PRKAG2: variants seen among roughly 807,000 people sequenced by gnomAD.
PRKAG2 encodes protein kinase AMP-activated non-catalytic subunit gamma 2.
Under a neutral mutation model 69.6 loss-of-function variants are expected in PRKAG2, and 26 were observed. The ratio of observed to expected loss-of-function variants is 0.37; its 90% CI spans 0.27 to 0.52. The LOEUF (loss-of-function observed/expected upper bound fraction) is 0.52. PRKAG2 is among the 20% of genes least tolerant of loss of function. The probability of loss-of-function intolerance (pLI) is 0.90; values close to 1 mark genes in which losing one functional copy is unlikely to be tolerated. For missense variants in PRKAG2, 557 were observed against 740.0 expected, an observed-to-expected ratio of 0.75 and a Z score of 2.87; for synonymous variants, 293 against 285.0, an observed-to-expected ratio of 1.03 and a Z score of -0.28.
At chr7:151,846,007 C>T (rs529800959) in intron 1 of PRKAG2, among the ~76,000 whole-genome samples, 63 of 152,302 alleles carry the variant, frequency 4.1e-4, no homozygotes, top group African/African-American at 1.5e-3. Flanking sequence ...ACAGATGAGT[C>T]CCTGTGACAT....
chr7:151,804,016 T>G (rs1302196693), intron 1 of PRKAG2, among the ~76,000 whole-genome samples: 1 of 151,916 alleles, frequency 6.6e-6, no homozygotes, highest in African/African-American at 2.4e-5. Context: ...AGTCATACCC[T>G]TGGCCCAGCC....
chr7:151,627,959 C>G (rs1454457213), intron 5 of PRKAG2, among the ~76,000 whole-genome samples: 1 of 152,172 alleles, frequency 6.6e-6, no homozygotes, highest in Non-Finnish European at 1.5e-5. Context: ...CCGCCACGCC[C>G]GGCCTGGATT....
At chr7:151,866,576 C>T (rs892288844) in intron 1 of PRKAG2, among the ~76,000 whole-genome samples, 1 of 152,166 alleles carries the variant, frequency 6.6e-6, no homozygotes, top group Non-Finnish European at 1.5e-5. Context: ...TCATCAGCAC[C>T]ATGAATGCAA....
At chr7:151,703,184 G>GGCTT (rs1838009180) in intron 3 of PRKAG2, among the ~76,000 whole-genome samples, 1 of 152,154 alleles carries the variant, frequency 6.6e-6, no homozygotes, top group African/African-American at 2.4e-5. Flanking sequence ...TCACTCATCA[G>GGCTT]CGCGCGCGAA....
chr7:151,715,273 C>G (rs1795981822), intron 3 of PRKAG2, among the ~76,000 whole-genome samples: 1 of 135,218 alleles, frequency 7.4e-6, no homozygotes, highest in African/African-American at 2.8e-5. Flanking sequence ...ACTTCAGCCT[C>G]CCAAAGTGCT....
At chr7:151,800,911 C>T (rs2077805451) in intron 1 of PRKAG2, among the ~76,000 whole-genome samples, 1 of 152,174 alleles carries the variant, frequency 6.6e-6, no homozygotes, top group Non-Finnish European at 1.5e-5. Context: ...ACGCAGACAA[C>T]AGGGGAGATT....
intron 8 of PRKAG2, among the ~76,000 whole-genome samples, chr7:151,574,629 C>T (rs567055270): frequency 2.0e-5 from 3 of 152,238 alleles, no homozygotes; most frequent in South Asian, 2.1e-4. Context: ...CAAGGAATTC[C>T]GAAAGCTGAA....
intron 3 of PRKAG2, among the ~76,000 whole-genome samples, chr7:151,760,781 G>A (rs954577038): frequency 3.9e-5 from 6 of 152,138 alleles, no homozygotes; most frequent in Non-Finnish European, 5.9e-5. Context: ...CTGTGCTCCC[G>A]TGCCCCATCC....
chr7:151,711,678 A>G (rs1399172212), intron 3 of PRKAG2, among the ~76,000 whole-genome samples: 1 of 152,244 alleles, frequency 6.6e-6, no homozygotes, highest in Non-Finnish European at 1.5e-5. Context: ...GAGGCACAGG[A>G]AAGTTAAGCA....
chr7:151,678,820 G>A (rs879574833), intron 3 of PRKAG2, among the ~76,000 whole-genome samples: 24 of 152,186 alleles, frequency 1.6e-4, no homozygotes, highest in African/African-American at 4.8e-4. Flanking sequence ...TTAGCTAGGC[G>A]TAGTGGCGCG....
chr7:151,648,471 C>G (rs1396087862), intron 4 of PRKAG2, among the ~76,000 whole-genome samples: 1 of 152,088 alleles, frequency 6.6e-6, no homozygotes, highest in East Asian at 1.9e-4. Context: ...GCTGGGGCAC[C>G]CGGGAAAAGC....
intron 1 of PRKAG2, among the ~76,000 whole-genome samples, chr7:151,858,854 G>A (rs1342368040): frequency 6.6e-6 from 1 of 152,176 alleles, no homozygotes; most frequent in Non-Finnish European, 1.5e-5. Flanking sequence ...GGACCATAAA[G>A]ATGAACGGAA....
At chr7:151,859,141 C>T (rs1270760979) in intron 1 of PRKAG2, among the ~76,000 whole-genome samples, 2 of 152,230 alleles carry the variant, frequency 1.3e-5, no homozygotes, top group East Asian at 3.8e-4. Flanking sequence ...GTCGCTGGGG[C>T]CTCCAGCAAA....
chr7:151,576,715 C>T (rs1430504830), intron 6 of PRKAG2, among the ~76,000 whole-genome samples: 1 of 151,920 alleles, frequency 6.6e-6, no homozygotes, highest in African/African-American at 2.4e-5. Context: ...TGGCTAAGCT[C>T]GTCTCGAACT....
At chr7:151,639,023 T>C (rs1054835640) in intron 4 of PRKAG2, among the ~76,000 whole-genome samples, 1 of 152,194 alleles carries the variant, frequency 6.6e-6, no homozygotes, top group Non-Finnish European at 1.5e-5. Flanking sequence ...ACATGCACTC[T>C]GCTCCCGTTC....
intron 3 of PRKAG2, among the ~76,000 whole-genome samples, chr7:151,732,689 C>T (rs1221338227): frequency 6.6e-6 from 1 of 152,140 alleles, no homozygotes; most frequent in Non-Finnish European, 1.5e-5. Context: ...ACAGAAAAGG[C>T]ACCCAGAGTG....
At chr7:151,806,114 G>A (rs1023777567) in intron 1 of PRKAG2, among the ~76,000 whole-genome samples, 13 of 152,176 alleles carry the variant, frequency 8.5e-5, no homozygotes, top group South Asian at 2.1e-4. Flanking sequence ...GCTTGAACCC[G>A]GGAAGCGGAG....
intron 3 of PRKAG2, among the ~76,000 whole-genome samples, chr7:151,729,884 A>C (rs1029296016): frequency 6.6e-6 from 1 of 152,060 alleles, no homozygotes. Context: ...CCACCACCTG[A>C]CCTGGTGATG....
intron 15 of PRKAG2, chr7:151,558,657 T>C (rs1414537315): frequency 4.1e-6 from 4 of 980,472 alleles, no homozygotes; most frequent in African/African-American, 1.8e-5. Context: ...CGGAATGTTT[T>C]CCTCAACAAA....
Sources: allele counts gnomAD v4.1 joint callset (sites outside exome capture counted in the v4.1 genomes callset), GRCh38; gene constraint gnomAD v4.1.1; transcripts MANE v1.5; gene names NCBI Gene and HGNC (gene_info 2026-07-23, HGNC 2026-07-21).